OGDH: variants seen among roughly 807,000 people sequenced by gnomAD.
OGDH encodes the protein oxoglutarate dehydrogenase.
Under a neutral mutation model 116.6 loss-of-function variants are expected in OGDH, and 38 were observed. The ratio of observed to expected loss-of-function variants is 0.33; its 90% CI spans 0.25 to 0.43. The LOEUF is 0.43. OGDH is among the 20% of genes least tolerant of loss of function. OGDH has a pLI of 1.00. For missense variants in OGDH, 825 were observed against 1,357.2 expected (o/e 0.61, Z 6.16); for synonymous variants, 488 against 533.3 (o/e 0.92, Z 1.17).
At chr7:44,620,830 A>G (rs114819657) in intron 1 of OGDH, among the ~76,000 whole-genome samples, 2,143 of 152,180 alleles carry the variant, frequency 0.014, 55 homozygotes, top group African/African-American at 0.047. Context: ...AATTCTTCCA[A>G]TGTGGCCCAG....
chr7:44,702,802 T>C (rs1788895652), intron 20 of OGDH, among the ~76,000 whole-genome samples: 1 of 152,152 alleles, frequency 6.6e-6, no homozygotes, highest in Admixed American at 6.5e-5. Context: ...TTCACCGTGT[T>C]AGCCAGGATG....
At position 44,693,874 on chromosome 7, in the gene OGDH, C is replaced by T. The variant is rs778205319; in HGVS notation, c.1385C>T (p.Thr462Ile). 1.2e-6 allele frequency: 2 copies of T among 1,613,138 alleles called. No individual in the cohort carries two copies. The highest frequency in any genetic ancestry group is 1.7e-6 in the Non-Finnish European group (2 of 1,179,294). Residue 462 changes from threonine (T) to isoleucine (I), a missense_variant, in exon 11 of 23, where the codon ACT (threonine) becomes ATT (isoleucine). This residue lies in a region of OGDH where 146 missense variants were observed against 317.3 expected (regional missense o/e 0.46). Transcript: ENST00000222673. ...ATGGCCCGCTCCTCCCCCTACCCCACTGACGTGGCCCGAGTGGTGAATGCC... is the reference window on the plus strand; with the variant it reads ...ATGGCCCGCTCCTCCCCCTACCCCATTGACGTGGCCCGAGTGGTGAATGCC... ...PRMARSSPYPTDVARVVNAPI... is the reference protein window; with the variant it reads ...PRMARSSPYPIDVARVVNAPI...
chr7:44,612,405 C>T (rs1453210677), intron 1 of OGDH, among the ~76,000 whole-genome samples: 3 of 151,488 alleles, frequency 2.0e-5, no homozygotes, highest in Admixed American at 6.6e-5. Context: ...TTTCTTGTGA[C>T]GGAGTCTTAC....
intron 19 of OGDH, among the ~76,000 whole-genome samples, chr7:44,700,901 A>G (rs1200978010): frequency 6.6e-6 from 1 of 152,186 alleles, no homozygotes; most frequent in Non-Finnish European, 1.5e-5. Context: ...TTGCAGTCCC[A>G]GCTACTTAGG....
chr7:44,620,656 A>G (rs1275282406), intron 1 of OGDH, among the ~76,000 whole-genome samples: 1 of 152,052 alleles, frequency 6.6e-6, no homozygotes, highest in Non-Finnish European at 1.5e-5. Flanking sequence ...AGCTTGTCCA[A>G]CTCCCAGCCC....
At chr7:44,670,591 A>C (rs1787389036) in intron 5 of OGDH, among the ~76,000 whole-genome samples, 1 of 152,140 alleles carries the variant, frequency 6.6e-6, no homozygotes, top group Non-Finnish European at 1.5e-5. Context: ...TGTAAAGTTG[A>C]GATGGTACAG....
chr7:44,694,698 A>T lies in OGDH; in HGVS notation c.1668+122A>T. The T allele has an allele frequency of 9.0e-7, 1 of 1,108,818 alleles. No homozygotes were observed. The highest frequency in any genetic ancestry group is 1.5e-5 in the African/African-American group (1 of 64,558). 68.7% of individuals were successfully genotyped at this position (1,108,818 alleles called of 1,614,324 possible). The stretch of plus-strand genomic sequence containing the variant: ...GAGGATACACGTGAGAGGATGTGAA[A>T]TATTTACAACTACAGCATTTCAATG... On this transcript the variant is annotated intron_variant, in intron 12 of 22. Transcript: ENST00000222673. This position sits in a 1 kb window ranked among gnomAD's most constrained non-coding sequence, Gnocchi z 4.2.
chr7:44,680,036 C>G (rs1278042696), intron 9 of OGDH, among the ~76,000 whole-genome samples: 1 of 152,116 alleles, frequency 6.6e-6, no homozygotes, highest in Non-Finnish European at 1.5e-5. Context: ...CATGGTGAAA[C>G]CTCGTGTCTA....
At chr7:44,680,759 G>A (rs1231424161) in intron 9 of OGDH, among the ~76,000 whole-genome samples, 1 of 152,154 alleles carries the variant, frequency 6.6e-6, no homozygotes, top group African/African-American at 2.4e-5. Context: ...GGGCTGGACA[G>A]GGACAGTACA....
chr7:44,679,742 G>A (rs1787850435), intron 9 of OGDH, among the ~76,000 whole-genome samples: 1 of 152,176 alleles, frequency 6.6e-6, no homozygotes, highest in Non-Finnish European at 1.5e-5. Context: ...CAATGTGAGT[G>A]GGTTTCATCC....
chr7:44,608,435 A>C (rs1784439737), intron 1 of OGDH, among the ~76,000 whole-genome samples: 1 of 151,924 alleles, frequency 6.6e-6, no homozygotes, highest in Non-Finnish European at 1.5e-5. Context: ...GCAGTGGCTC[A>C]CGCCTGTAAT....
At chr7:44,673,518 G>A (rs1031541421) in intron 5 of OGDH, among the ~76,000 whole-genome samples, 1 of 152,130 alleles carries the variant, frequency 6.6e-6, no homozygotes, top group South Asian at 2.1e-4. Context: ...GAGTAGAACT[G>A]GGGTTGTCCC....
At chr7:44,637,709 C>T (rs1416767578) in intron 2 of OGDH, among the ~76,000 whole-genome samples, 3 of 151,738 alleles carry the variant, frequency 2.0e-5, no homozygotes. Flanking sequence ...ACTGGGGAGG[C>T]TGAGGCAGGA....
chr7:44,648,409 G>T (rs966363107), intron 4 of OGDH, among the ~76,000 whole-genome samples: 3 of 152,222 alleles, frequency 2.0e-5, no homozygotes, highest in African/African-American at 7.2e-5. Context: ...CTCATGAAGT[G>T]AGGTGGGTGT....
chr7:44,640,729 A>T (rs1437884933), intron 2 of OGDH, among the ~76,000 whole-genome samples: 1 of 152,064 alleles, frequency 6.6e-6, no homozygotes, highest in Non-Finnish European at 1.5e-5. Flanking sequence ...TCCAGTACTT[A>T]CTGGGTTTGA....
At chr7:44,626,332 C>CA (rs1785204234) in intron 2 of OGDH, among the ~76,000 whole-genome samples, 2 of 117,452 alleles carry the variant, frequency 1.7e-5, no homozygotes, top group Admixed American at 1.8e-4. Context: ...CACACACACA[C>CA]CCCTACACAC....
intron 4 of OGDH, among the ~76,000 whole-genome samples, chr7:44,663,360 A>G (rs1246294313): frequency 6.6e-6 from 1 of 152,252 alleles, no homozygotes; most frequent in East Asian, 1.9e-4. Context: ...TGTTTGGGCC[A>G]GGTGCAGTGG....
chr7:44,658,489 A>G (rs1367937142), intron 4 of OGDH, among the ~76,000 whole-genome samples: 1 of 131,606 alleles, frequency 7.6e-6, no homozygotes, highest in African/African-American at 2.9e-5. Context: ...AGGATTTTCT[A>G]TATAGACAGT....
chr7:44,619,547 C>T (rs112274973), intron 1 of OGDH, among the ~76,000 whole-genome samples: 3 of 152,282 alleles, frequency 2.0e-5, no homozygotes, highest in African/African-American at 7.2e-5. Flanking sequence ...AAGGTTCCTC[C>T]AGGTTGGAGC....
Sources: allele counts gnomAD v4.1 joint callset (sites outside exome capture counted in the v4.1 genomes callset), GRCh38; gene constraint gnomAD v4.1.1; regional missense constraint gnomAD v4.1.1; non-coding constraint Gnocchi (gnomAD v3.1); transcripts MANE v1.5; gene names NCBI Gene and HGNC (gene_info 2026-07-23, HGNC 2026-07-21).